The following SLCO2A1 variants were observed in gnomAD, a reference collection of about 807,000 sequenced individuals.
The protein encoded by SLCO2A1 is matrin F/G 1.
Under a neutral mutation model 71.7 loss-of-function variants are expected in SLCO2A1, and 60 were observed. The observed-to-expected ratio is 0.84, with a 90% confidence interval of 0.68 to 1.04. The LOEUF (loss-of-function observed/expected upper bound fraction) is 1.04. Among genes scored for constraint, SLCO2A1 ranks in the 50% least tolerant of loss-of-function variants. The pLI, the probability that SLCO2A1 is intolerant of heterozygous loss-of-function variation, is 0.00. For missense variants in SLCO2A1, 745 were observed against 813.4 expected (o/e 0.92, Z 1.02); for synonymous variants, 308 against 326.7 (o/e 0.94, Z 0.62).
At chr3:133,993,077 G>T (rs1934888527) in intron 1 of SLCO2A1, among the ~76,000 whole-genome samples, 1 of 152,192 alleles carries the variant, frequency 6.6e-6, no homozygotes, top group Admixed American at 6.5e-5. Context: ...ACCTCCAGAT[G>T]CTGCCGTGGG....
In SLCO2A1 at chr3:133,945,253, TTGA is replaced by T. The variant is rs1559930344; in HGVS notation, c.1300_1302del (p.Ser436del). On this transcript the variant is annotated inframe_deletion, in exon 10 of 14. Coordinates refer to ENST00000310926, the MANE Select transcript of SLCO2A1 (RefSeq NM_005630.3). The stretch of plus-strand genomic sequence containing the variant: ...GCAGGAGACTGCGGATGTATAGAAC[TTGA>T]TGTGCTGCCAGCAAAAGAGGAAACG... The T allele has an allele frequency of 6.2e-7, 1 of 1,603,168 alleles. No individual in the cohort carries two copies. Among genetic ancestry groups the T allele is most frequent in the Admixed American group, 1.8e-5 (1 of 57,094 alleles).
At chr3:134,006,198 G>T (rs746692184) in intron 1 of SLCO2A1, among the ~76,000 whole-genome samples, 3 of 152,136 alleles carry the variant, frequency 2.0e-5, no homozygotes, top group Non-Finnish European at 4.4e-5. Context: ...ACCATGCCTG[G>T]CTAATTTTTT....
In SLCO2A1 at chr3:133,942,762, AATAG is replaced by A; in HGVS notation, c.1464_1467del (p.Tyr489Ter). 1 of 1,603,198 alleles carries A rather than the reference AATAG, an allele frequency of 6.2e-7. No homozygotes were observed. The highest frequency in any genetic ancestry group is 8.5e-7 in the Non-Finnish European group (1 of 1,174,292). ...CCCCCGGTCACACAGCTGCAGTTCA[AATAG>A]ATCTTCAAGAGGAAGGGGAGGGAAA... On this transcript the variant is annotated frameshift_variant and splice_region_variant, in exon 11 of 14. Transcript: ENST00000310926. LOFTEE classifies it high-confidence loss of function.
intron 3 of SLCO2A1, among the ~76,000 whole-genome samples, chr3:133,963,234 T>G (rs1265488366): frequency 1.3e-5 from 2 of 152,110 alleles, no homozygotes; most frequent in Admixed American, 1.3e-4. Flanking sequence ...GTCAGGAAGG[T>G]CTACTTCCCT....
chr3:133,993,001 G>A lies in SLCO2A1; in HGVS notation c.97-13383C>T, dbSNP rs546321980. Among the ~76,000 whole-genome samples the A allele has an allele frequency of 2.6e-4, 40 of 152,334 alleles. 1 individual carries two copies. The highest frequency in any genetic ancestry group is 3.9e-4 in the East Asian group (2 of 5,182). ...GCACTGAGCTGTTAACACTTAAGCCGTCCACAGATGGGCTAAAAGGGCACT... is the reference window on the plus strand; with the variant it reads ...GCACTGAGCTGTTAACACTTAAGCCATCCACAGATGGGCTAAAAGGGCACT... On this transcript the variant is annotated intron_variant, in intron 1 of 13. Transcript: ENST00000310926.
chr3:133,978,259 C>T (rs1246249002), intron 2 of SLCO2A1, among the ~76,000 whole-genome samples: 1 of 152,168 alleles, frequency 6.6e-6, no homozygotes, highest in African/African-American at 2.4e-5. Flanking sequence ...GAGGAGGCCT[C>T]GGCATGCAGC....
At chr3:133,980,940 C>A (rs1934574337) in intron 1 of SLCO2A1, among the ~76,000 whole-genome samples, 1 of 152,256 alleles carries the variant, frequency 6.6e-6, no homozygotes, top group Admixed American at 6.5e-5. Context: ...AGAAGGAAGC[C>A]TGCCTGTCTG....
intron 1 of SLCO2A1, among the ~76,000 whole-genome samples, chr3:134,014,471 A>T (rs1411612976): frequency 6.6e-6 from 1 of 152,174 alleles, no homozygotes; most frequent in Non-Finnish European, 1.5e-5. Context: ...AATTTAATCC[A>T]TCCCAAACAG....
intron 11 of SLCO2A1, 38 bp downstream of exon 11, chr3:133,942,567 G>A: frequency 6.4e-7 from 1 of 1,565,626 alleles, no homozygotes; most frequent in South Asian, 1.2e-5. Flanking sequence ...TGGGGAAGGA[G>A]AAGCCACGCC....
intron 11 of SLCO2A1, among the ~76,000 whole-genome samples, chr3:133,940,703 C>T (rs983957910): frequency 6.6e-5 from 10 of 152,268 alleles, no homozygotes; most frequent in East Asian, 1.9e-4. Flanking sequence ...GCTTTGAATG[C>T]GCAGGATGGG....
At chr3:134,001,204 G>A (rs1489645774) in intron 1 of SLCO2A1, among the ~76,000 whole-genome samples, 1 of 151,714 alleles carries the variant, frequency 6.6e-6, no homozygotes, top group Non-Finnish European at 1.5e-5. Flanking sequence ...TGCAACCTCT[G>A]CATTCAAGGG....
chr3:133,989,409 A>G (rs1045749730), intron 1 of SLCO2A1, among the ~76,000 whole-genome samples: 3 of 152,176 alleles, frequency 2.0e-5, no homozygotes, highest in Non-Finnish European at 4.4e-5. Context: ...CTCCAGTGGT[A>G]ACACCCCTCT....
intron 3 of SLCO2A1, among the ~76,000 whole-genome samples, chr3:133,956,428 A>C (rs1295683824): frequency 6.6e-6 from 1 of 152,154 alleles, no homozygotes; most frequent in Non-Finnish European, 1.5e-5. Context: ...GTGTCTATGC[A>C]GGACACATTA....
rs114869610 is a variant in SLCO2A1 at position 133,934,029 on chromosome 3, A to C, written c.*684T>G. ...GGTTCATATGGACAGCACTTAGATG[A>C]CCCATCCTTGGGGTTTCTCAGTCCC... On this transcript the variant is annotated 3_prime_UTR_variant, in exon 14 of 14. Coordinates refer to ENST00000310926, the MANE Select transcript of SLCO2A1 (RefSeq NM_005630.3). 3,039 of 152,310 alleles carry C rather than the reference A, an allele frequency of 0.02. 102 individuals are homozygous for C. The highest frequency in any genetic ancestry group is 0.069 in the African/African-American group (2,875 of 41,534). 9.4% of individuals were successfully genotyped at this position (152,310 alleles called of 1,614,324 possible). A position where few individuals can be genotyped will look rare whatever the true frequency, so the allele number is the denominator to read the frequency against.
At position 133,959,142 on chromosome 3, in the gene SLCO2A1, G is replaced by A. The variant is rs1373548745; in HGVS notation, c.398-3949C>T. ...CTGCGTCACAGGGGAAAAGGAGAAC[G>A]CGGAGTCCTGAAAAGGACCTGGACC... On this transcript the variant is annotated intron_variant, in intron 3 of 13. Coordinates refer to ENST00000310926, the MANE Select transcript of SLCO2A1 (RefSeq NM_005630.3). Among the ~76,000 whole-genome samples the A allele has an allele frequency of 2.6e-5, 4 of 152,154 alleles. No individual in the cohort carries two copies. In the South Asian group the frequency reaches 8.3e-4, roughly 32 times the overall value.
chr3:133,971,725 C>G (rs765931975), intron 3 of SLCO2A1, among the ~76,000 whole-genome samples: 11 of 152,214 alleles, frequency 7.2e-5, no homozygotes, highest in Non-Finnish European at 1.6e-4. Context: ...AACTCCAATA[C>G]AGTGGACTAA....
intron 1 of SLCO2A1, among the ~76,000 whole-genome samples, chr3:133,994,696 C>T (rs1934927421): frequency 6.6e-6 from 1 of 152,258 alleles, no homozygotes; most frequent in Non-Finnish European, 1.5e-5. Flanking sequence ...GTCTGCCAGG[C>T]CTCGTATCAA....
At chr3:133,970,636 C>T (rs1032523665) in intron 3 of SLCO2A1, among the ~76,000 whole-genome samples, 8 of 152,220 alleles carry the variant, frequency 5.3e-5, no homozygotes, top group Non-Finnish European at 1.0e-4. Context: ...GGGCCAAAGT[C>T]CTTCTCATCC....
rs1429446205 is a variant in SLCO2A1, at chr3:133,979,388, C to CA, written c.234+92dup. 3.3e-6 allele frequency: 5 copies of CA among 1,506,862 alleles called. No individual in the cohort carries two copies. In the African/African-American group the frequency reaches 6.9e-5, roughly 21 times the overall value. The allele number at this position is 1,506,862 out of a possible 1,614,324, so 93.3% of individuals were successfully genotyped here. A position where few individuals can be genotyped will look rare whatever the true frequency, so the allele number is the denominator to read the frequency against. On this transcript the variant is annotated intron_variant, in intron 2 of 13. Coordinates refer to ENST00000310926, the MANE Select transcript of SLCO2A1 (RefSeq NM_005630.3). ...CAGAAAGAGGCATTGCACCTATGTG[C>CA]ACATCTCAGCCCCCTGTTCCTCTGC...
Sources: allele counts gnomAD v4.1 joint callset (sites outside exome capture counted in the v4.1 genomes callset), GRCh38; gene constraint gnomAD v4.1.1; transcripts MANE v1.5; gene names NCBI Gene and HGNC (gene_info 2026-07-23, HGNC 2026-07-21).